Variants in PRSS23 observed in about 807,000 individuals in gnomAD.
The protein encoded by PRSS23 is serine protease 23.
A neutral mutation model predicts 34.7 loss-of-function variants in PRSS23; 25 were observed. That is an observed-to-expected ratio of 0.72 (90% CI 0.53 to 1.01). PRSS23 has a LOEUF of 1.01. PRSS23 is among the 50% of genes least tolerant of loss of function. The pLI is 0.00. For synonymous variants in PRSS23, 176 were observed against 186.6 expected, an observed-to-expected ratio of 0.94 and a Z score of 0.46; for missense variants, 445 against 475.6, an observed-to-expected ratio of 0.94 and a Z score of 0.60.
intron 2 of PRSS23, among the ~76,000 whole-genome samples, chr11:86,883,975 C>T (rs1373214088): frequency 6.6e-6 from 1 of 152,142 alleles, no homozygotes; most frequent in Non-Finnish European, 1.5e-5. Flanking sequence ...GCTTTTCATC[C>T]TATCTTCCTT....
chr11:86,832,720 C>T, intron 2 of PRSS23: 1 of 307,574 alleles, frequency 3.3e-6, no homozygotes, highest in Non-Finnish European at 6.3e-6. Flanking sequence ...AAACAACTGA[C>T]AGGGGAGACC....
chr11:86,917,684 C>T (rs1030934500), intron 2 of PRSS23, among the ~76,000 whole-genome samples: 1 of 152,216 alleles, frequency 6.6e-6, no homozygotes, highest in Non-Finnish European at 1.5e-5. Flanking sequence ...TCCTGGCTAT[C>T]ATCCCACAGT....
intron 2 of PRSS23, chr11:86,833,034 C>A: frequency 4.3e-6 from 2 of 461,062 alleles, no homozygotes; most frequent in South Asian, 2.1e-5. Flanking sequence ...TAGGAAGCCA[C>A]AGAAACATGG....
At chr11:86,951,256 A>C in exon 3 of PRSS23, 1 of 1,614,188 alleles carries the variant, frequency 6.2e-7, no homozygotes, top group East Asian at 2.2e-5. Flanking sequence ...ACGTGTGAAG[A>C]GTTTTGGCAG....
intron 1 of PRSS23, among the ~76,000 whole-genome samples, chr11:86,805,437 T>G (rs545163568): frequency 6.6e-6 from 1 of 152,166 alleles, no homozygotes; most frequent in Admixed American, 6.5e-5. Context: ...AACAAGCACA[T>G]ACAAACACGT....
At chr11:86,925,909 A>G (rs1949077742) in intron 2 of PRSS23, among the ~76,000 whole-genome samples, 1 of 152,194 alleles carries the variant, frequency 6.6e-6, no homozygotes, top group Admixed American at 6.5e-5. Flanking sequence ...AAATTTCAAA[A>G]TTTGGGGGTT....
intron 2 of PRSS23, among the ~76,000 whole-genome samples, chr11:86,829,298 C>T (rs1301287376): frequency 6.6e-6 from 1 of 152,198 alleles, no homozygotes. Flanking sequence ...GCTCCTGAGG[C>T]TTCTGCATTC....
At chr11:86,858,238 T>TA (rs1948586719) in intron 2 of PRSS23, among the ~76,000 whole-genome samples, 1 of 151,872 alleles carries the variant, frequency 6.6e-6, no homozygotes, top group African/African-American at 2.4e-5. Flanking sequence ...GTAGAGAGCA[T>TA]AATATTACCT....
intron 2 of PRSS23, among the ~76,000 whole-genome samples, chr11:86,848,519 C>T (rs1053795276): frequency 6.6e-6 from 1 of 152,164 alleles, no homozygotes; most frequent in Admixed American, 6.5e-5. Flanking sequence ...CAATGCTATC[C>T]ACCATTACCC....
intron 2 of PRSS23, among the ~76,000 whole-genome samples, chr11:86,919,864 C>T (rs117358328): frequency 6.6e-6 from 1 of 152,298 alleles, no homozygotes; most frequent in East Asian, 1.9e-4. Flanking sequence ...CCTGCCTGGC[C>T]CACCTACCCT....
At chr11:86,896,680 T>G (rs1463858575) in intron 2 of PRSS23, 1 of 152,250 alleles carries the variant, frequency 6.6e-6, no homozygotes, top group Non-Finnish European at 1.5e-5. Flanking sequence ...CATTTCAAAT[T>G]GTTACCAAGT....
chr11:86,914,854 T>C (rs10898553), intron 2 of PRSS23, among the ~76,000 whole-genome samples: 67,743 of 152,084 alleles, frequency 0.45, 15,953 homozygotes, highest in Non-Finnish European at 0.53. Context: ...TTTAATATCC[T>C]GTTTAGAATG....
At chr11:86,830,336 C>G (rs1948343301) in intron 2 of PRSS23, among the ~76,000 whole-genome samples, 1 of 152,210 alleles carries the variant, frequency 6.6e-6, no homozygotes, top group East Asian at 1.9e-4. Context: ...TTTTTTAAGC[C>G]TGTCGGAAAA....
At chr11:86,923,351 TC>T (rs1851805681) in intron 2 of PRSS23, among the ~76,000 whole-genome samples, 1 of 152,200 alleles carries the variant, frequency 6.6e-6, no homozygotes, top group Non-Finnish European at 1.5e-5. Context: ...GGTCTCGAAC[TC>T]AAGTGATCCT....
chr11:86,922,482 A>T (rs1949053166), intron 2 of PRSS23, among the ~76,000 whole-genome samples: 1 of 135,126 alleles, frequency 7.4e-6, no homozygotes, highest in Admixed American at 7.5e-5. Context: ...AAAAAAATAA[A>T]CAAATAAAAA....
intron 2 of PRSS23, among the ~76,000 whole-genome samples, chr11:86,885,134 A>G (rs1195079498): frequency 6.6e-6 from 1 of 152,218 alleles, no homozygotes; most frequent in African/African-American, 2.4e-5. Flanking sequence ...TTCGGTGATT[A>G]AATCTCCATT....
chr11:86,882,861 T>A (rs1423580784), intron 2 of PRSS23, among the ~76,000 whole-genome samples: 8 of 152,202 alleles, frequency 5.3e-5, no homozygotes, highest in Admixed American at 6.5e-5. Flanking sequence ...CTCATCAGCA[T>A]CTGTTATTTT....
intron 2 of PRSS23, chr11:86,833,374 C>T: frequency 1.4e-6 from 1 of 712,188 alleles, no homozygotes; most frequent in South Asian, 1.4e-5. Context: ...CAGGAACAGC[C>T]CAGCGAGGGC....
At chr11:86,881,682 T>A (rs1391268824) in intron 2 of PRSS23, among the ~76,000 whole-genome samples, 1 of 152,204 alleles carries the variant, frequency 6.6e-6, no homozygotes, top group Non-Finnish European at 1.5e-5. Flanking sequence ...TTAATTCTTC[T>A]TTAAATGTTT....
Sources: gnomAD v4.1 joint callset for allele counts (sites outside exome capture counted in the v4.1 genomes callset) on GRCh38, gnomAD v4.1.1 for gene constraint, MANE v1.5 for transcripts, NCBI Gene and HGNC (gene_info 2026-07-23, HGNC 2026-07-21) for gene names.